Variants in GULP1 observed in about 807,000 individuals in gnomAD.
GULP1 encodes the protein PTB domain-containing engulfment adapter protein 1.
A neutral mutation model predicts 40.9 loss-of-function variants in GULP1; 19 were observed. That is an observed-to-expected ratio of 0.46 (90% CI 0.32 to 0.68). The LOEUF is 0.68. Ranked by LOEUF, GULP1 falls within the 30% of genes least tolerant of loss-of-function variation. The probability of loss-of-function intolerance (pLI) is 0.03; values close to 1 mark genes in which losing one functional copy is unlikely to be tolerated. For synonymous variants in GULP1, 119 were observed against 117.6 expected (o/e 1.01, Z -0.08); for missense variants, 312 against 362.2 (o/e 0.86, Z 1.12).
intron 10 of GULP1, 24 bp from the exon 11 acceptor site, chr2:188,587,831 A>G: frequency 1.5e-6 from 2 of 1,295,882 alleles, no homozygotes; most frequent in Non-Finnish European, 2.2e-6. Context: ...TATTTCATTT[A>G]CTAAATTATT....
chr2:188,514,162 T>C (rs994108881), intron 4 of GULP1, among the ~76,000 whole-genome samples: 1 of 151,774 alleles, frequency 6.6e-6, no homozygotes, highest in African/African-American at 2.4e-5. Flanking sequence ...TCCTGCCACC[T>C]GGGACCCTGA....
intron 4 of GULP1, among the ~76,000 whole-genome samples, chr2:188,517,896 G>C (rs551733308): frequency 6.6e-6 from 1 of 152,138 alleles, no homozygotes; most frequent in South Asian, 2.1e-4. Context: ...ATGCTTACTA[G>C]CATTTTGCAG....
chr2:188,550,306 G>A (rs1424324268), intron 7 of GULP1, among the ~76,000 whole-genome samples: 3 of 151,540 alleles, frequency 2.0e-5, no homozygotes, highest in African/African-American at 7.3e-5. Context: ...TGAACTTAGA[G>A]GAAGGCTTAC....
intron 2 of GULP1, among the ~76,000 whole-genome samples, chr2:188,444,591 C>G (rs1380293722): frequency 6.6e-5 from 10 of 152,190 alleles, no homozygotes; most frequent in Non-Finnish European, 1.5e-4. Context: ...CTTTGGGTCA[C>G]TCCTTTCTCT....
At chr2:188,586,989 G>C (rs1010571075) in intron 10 of GULP1, among the ~76,000 whole-genome samples, 1 of 151,932 alleles carries the variant, frequency 6.6e-6, no homozygotes, top group African/African-American at 2.4e-5. Context: ...AGAATGTAAA[G>C]TTCTCTGCAA....
At chr2:188,550,068 A>G (rs1693051584) in intron 7 of GULP1, among the ~76,000 whole-genome samples, 1 of 151,710 alleles carries the variant, frequency 6.6e-6, no homozygotes, top group South Asian at 2.1e-4. Flanking sequence ...ATAGTTTTGC[A>G]ATATATTATC....
At chr2:188,406,982 A>AC (rs1491534126) in intron 2 of GULP1, among the ~76,000 whole-genome samples, 1 of 152,154 alleles carries the variant, frequency 6.6e-6, no homozygotes, top group African/African-American at 2.4e-5. Context: ...AAAATCAAAG[A>AC]CAGAGAATCC....
chr2:188,408,900 C>T lies in GULP1; in HGVS notation c.-45+25011C>T, dbSNP rs557878580. ...AATAAATATGTGGTAATTAAACCAA[C>T]GGGTCAAAAAAGAAATTGAAAATTA... On this transcript the variant is annotated intron_variant, in intron 2 of 11. Coordinates refer to ENST00000409830, the MANE Select transcript of GULP1 (RefSeq NM_016315.4). Among the ~76,000 whole-genome samples, 180 of 151,902 alleles carry T rather than the reference C, an allele frequency of 1.2e-3. 8 individuals carry two copies. In the South Asian group the frequency reaches 0.032, roughly 27 times the overall value.
chr2:188,537,412 G>T (rs1048480660), intron 6 of GULP1, among the ~76,000 whole-genome samples: 1 of 151,942 alleles, frequency 6.6e-6, no homozygotes, highest in Non-Finnish European at 1.5e-5. Flanking sequence ...GGATTTTTTC[G>T]AAGGCTTTTT....
intron 9 of GULP1, among the ~76,000 whole-genome samples, chr2:188,580,112 A>G (rs1700955277): frequency 6.6e-6 from 1 of 152,206 alleles, no homozygotes; most frequent in South Asian, 2.1e-4. Context: ...AAAAACAAAA[A>G]TTTTCTCACA....
intron 1 of GULP1, among the ~76,000 whole-genome samples, chr2:188,299,513 C>T (rs936992042): frequency 1.3e-5 from 2 of 152,034 alleles, no homozygotes; most frequent in Non-Finnish European, 2.9e-5. Flanking sequence ...GAAGTCTTTC[C>T]CCCCTTCTCA....
intron 4 of GULP1, among the ~76,000 whole-genome samples, chr2:188,485,063 G>A (rs1228662637): frequency 6.6e-6 from 1 of 152,020 alleles, no homozygotes; most frequent in Non-Finnish European, 1.5e-5. Flanking sequence ...AATCTGGAAA[G>A]CTGCTATGAT....
At chr2:188,457,819 AC>A (rs1287822196) in intron 2 of GULP1, among the ~76,000 whole-genome samples, 2 of 151,984 alleles carry the variant, frequency 1.3e-5, no homozygotes, top group East Asian at 3.9e-4. Flanking sequence ...GCTGGAACAA[AC>A]CCCCCACACA....
In GULP1 at chr2:188,371,897, A is replaced by G. The variant is rs181172946; in HGVS notation, c.-171-11866A>G. Reference sequence around the variant, plus strand: ...GGTGACTACAGCAAGAGAAGAGATAAAGATGAATCTTTACAATATCATAGT... The same window carrying G: ...GGTGACTACAGCAAGAGAAGAGATAGAGATGAATCTTTACAATATCATAGT... On this transcript the variant is annotated intron_variant, in intron 1 of 11. Transcript: ENST00000409830. Among the ~76,000 whole-genome samples the G allele has an allele frequency of 2.6e-5, 4 of 152,238 alleles. No homozygotes were observed. In the East Asian group the frequency reaches 5.8e-4, roughly 22 times the overall value.
intron 2 of GULP1, among the ~76,000 whole-genome samples, chr2:188,468,980 G>C (rs955775182): frequency 6.6e-6 from 1 of 152,042 alleles, no homozygotes; most frequent in Admixed American, 6.6e-5. Context: ...AAATGAGGGT[G>C]GTGCGATTAG....
chr2:188,311,517 G>A (rs1246502181), intron 1 of GULP1, among the ~76,000 whole-genome samples: 1 of 151,832 alleles, frequency 6.6e-6, no homozygotes, highest in Non-Finnish European at 1.5e-5. Flanking sequence ...TCCTTTTTGT[G>A]ACTTCATCTT....
intron 2 of GULP1, among the ~76,000 whole-genome samples, chr2:188,396,378 C>T (rs1273606222): frequency 6.6e-6 from 1 of 152,182 alleles, no homozygotes; most frequent in African/African-American, 2.4e-5. Flanking sequence ...TCTTTGGCTA[C>T]TGGAGTAATG....
chr2:188,414,442 C>T (rs1014875709), intron 2 of GULP1, among the ~76,000 whole-genome samples: 51 of 152,102 alleles, frequency 3.4e-4, no homozygotes, highest in African/African-American at 1.1e-3. Flanking sequence ...TAGTATGAAT[C>T]TAGCCAGCAG....
chr2:188,363,468 A>G (rs13414813), intron 1 of GULP1, among the ~76,000 whole-genome samples: 3,590 of 152,232 alleles, frequency 0.024, 160 homozygotes, highest in African/African-American at 0.082. Flanking sequence ...CCAAGGAAAC[A>G]TTGAAGGATG....
Sources: allele counts gnomAD v4.1 joint callset (sites outside exome capture counted in the v4.1 genomes callset), GRCh38; gene constraint gnomAD v4.1.1; transcripts MANE v1.5; gene names NCBI Gene and HGNC (gene_info 2026-07-23, HGNC 2026-07-21).